Variants in SLMAP observed in about 807,000 individuals in gnomAD.
SLMAP encodes sarcolemmal membrane-associated protein.
SLMAP carries 44 observed loss-of-function variants against 128.8 expected under a neutral mutation model. The ratio of observed to expected loss-of-function variants is 0.34; its 90% confidence interval spans 0.27 to 0.44. The LOEUF (loss-of-function observed/expected upper bound fraction) is 0.44, where lower values mean the gene tolerates loss of function less well. SLMAP is among the 20% of genes least tolerant of loss of function. The pLI, the probability that SLMAP is intolerant of heterozygous loss-of-function variation, is 1.00. For synonymous variants in SLMAP, 327 were observed against 348.8 expected (o/e 0.94, Z 0.70); for missense variants, 787 against 985.3 (o/e 0.80, Z 2.69).
rs1055504331 is a variant in SLMAP at position 57,853,131 on chromosome 3, G to C, written c.519+3315G>C. ...GTAGATTCTAAAGATATGGTTGGTT[G>C]ATGGTTTTGTTTTTCAGTAAAACTT... On this transcript the variant is annotated intron_variant, in intron 6 of 24. Coordinates refer to ENST00000671191, the MANE Select transcript of SLMAP (RefSeq NM_001377540.1). Among the ~76,000 whole-genome samples the C allele has an allele frequency of 6.6e-5, 10 of 152,282 alleles. 1 individual carries two copies. In the South Asian group the frequency reaches 1.7e-3, roughly 25 times the overall value.
intron 14 of SLMAP, among the ~76,000 whole-genome samples, chr3:57,885,387 TGTTG>T (rs1434286573): frequency 2.7e-5 from 4 of 147,986 alleles, no homozygotes; most frequent in African/African-American, 9.9e-5. Flanking sequence ...TTGTTGTTGT[TGTTG>T]TTTTGTTTTG....
At position 57,833,560 on chromosome 3, in the gene SLMAP, C is replaced by T. The variant is rs1168115831; in HGVS notation, c.346+2030C>T. Among the ~76,000 whole-genome samples the T allele has an allele frequency of 2.6e-5, 4 of 151,988 alleles. No individual in the cohort carries two copies. In the East Asian group the frequency reaches 5.8e-4, roughly 22 times the overall value. On this transcript the variant is annotated intron_variant, in intron 3 of 24. Coordinates refer to ENST00000671191, the MANE Select transcript of SLMAP (RefSeq NM_001377540.1). The stretch of plus-strand genomic sequence containing the variant: ...TCAGCCTCTCGAGTAGCTGGGACTA[C>T]AGGTGCATGCCACCATGCCCAGCTA...
chr3:57,833,022 T>G (rs2093432267), intron 3 of SLMAP, among the ~76,000 whole-genome samples: 1 of 152,162 alleles, frequency 6.6e-6, no homozygotes, highest in South Asian at 2.1e-4. Flanking sequence ...TAAACCGAGC[T>G]CATTAAATGG....
chr3:57,868,341 C>A (rs1433470656), intron 13 of SLMAP, among the ~76,000 whole-genome samples: 1 of 151,942 alleles, frequency 6.6e-6, no homozygotes, highest in South Asian at 2.1e-4. Context: ...CTCCTGTAAT[C>A]CCAGCAAGGG....
At chr3:57,859,198 C>A (rs557767102) in intron 8 of SLMAP, among the ~76,000 whole-genome samples, 1 of 151,698 alleles carries the variant, frequency 6.6e-6, no homozygotes, top group Non-Finnish European at 1.5e-5. Flanking sequence ...GTGGCATGTA[C>A]CTGTAATCCA....
chr3:57,851,280 A>T (rs912072704), intron 6 of SLMAP, among the ~76,000 whole-genome samples: 3 of 151,636 alleles, frequency 2.0e-5, no homozygotes, highest in Non-Finnish European at 2.9e-5. Flanking sequence ...TGTAGAGCAG[A>T]TACTGCTTCA....
At chr3:57,909,016 A>G in intron 18 of SLMAP, 60 bp from the exon 19 acceptor site, 10 of 1,215,238 alleles carry the variant, frequency 8.2e-6, no homozygotes, top group Non-Finnish European at 1.2e-5. Context: ...CAGCTGCTCA[A>G]CTCTGAGTAC....
chr3:57,849,792 A>G lies in SLMAP; in HGVS notation c.495A>G (p.Leu165=), dbSNP rs149758819. The G allele has an allele frequency of 2.5e-3, 4,011 of 1,573,820 alleles. 11 individuals carry two copies. Among genetic ancestry groups the G allele is most frequent in the Non-Finnish European group, 2.6e-3 (3,005 of 1,143,286 alleles). The change falls in exon 6 of 25, where the codon CTA becomes CTG. Residue 165 remains leucine (L), a synonymous_variant. Coordinates refer to ENST00000671191, the MANE Select transcript of SLMAP (RefSeq NM_001377540.1). ...ANTPSMYSQE[L]FQLSQYLQEA... is the part of the protein sequence containing the mutation. ...CTCCAAGTATGTACTCTCAGGAACTATTCCAGCTTTCTCAGTATCTACAGG... is the reference window on the plus strand; with the variant it reads ...CTCCAAGTATGTACTCTCAGGAACTGTTCCAGCTTTCTCAGTATCTACAGG...
At chr3:57,761,546 C>T (rs908520137) in intron 2 of SLMAP, among the ~76,000 whole-genome samples, 14 of 151,858 alleles carry the variant, frequency 9.2e-5, no homozygotes, top group African/African-American at 2.2e-4. Context: ...CCACTTGCCT[C>T]GGCCTCCCAA....
At chr3:57,872,135 CT>C (rs1324925411) in intron 14 of SLMAP, among the ~76,000 whole-genome samples, 3 of 152,162 alleles carry the variant, frequency 2.0e-5, no homozygotes, top group Non-Finnish European at 2.9e-5. Flanking sequence ...AAAAGGCTAT[CT>C]TTAAGAATAT....
rs2096719811 is a variant in SLMAP at position 57,912,300 on chromosome 3, A to G, written c.1700-81A>G. Reference sequence around the variant, plus strand: ...TCAAAAGCAACAGCTCTGACAACCCAGGTTATGCATTAGCTACAATCCTGT... The same window carrying G: ...TCAAAAGCAACAGCTCTGACAACCCGGGTTATGCATTAGCTACAATCCTGT... On this transcript the variant is annotated intron_variant, in intron 19 of 24. Coordinates refer to ENST00000671191, the MANE Select transcript of SLMAP (RefSeq NM_001377540.1). 5 of 1,194,308 alleles carry G rather than the reference A, an allele frequency of 4.2e-6. No individual in the cohort carries two copies. The Admixed American group carries it at 7.8e-5, about 19-fold the overall frequency. 74.0% of individuals were successfully genotyped at this position (1,194,308 alleles called of 1,614,324 possible).
At chr3:57,881,456 T>G (rs537225291) in intron 14 of SLMAP, among the ~76,000 whole-genome samples, 1 of 152,262 alleles carries the variant, frequency 6.6e-6, no homozygotes, top group East Asian at 1.9e-4. Context: ...AACTAGATTT[T>G]TTATTTATTA....
intron 2 of SLMAP, among the ~76,000 whole-genome samples, chr3:57,818,356 T>C (rs1394093287): frequency 6.6e-6 from 1 of 152,182 alleles, no homozygotes; most frequent in Non-Finnish European, 1.5e-5. Flanking sequence ...GGTTTCTCCA[T>C]GTTGGTCAGG....
intron 14 of SLMAP, among the ~76,000 whole-genome samples, chr3:57,879,711 G>A (rs1217096665): frequency 1.3e-5 from 2 of 152,150 alleles, no homozygotes; most frequent in Non-Finnish European, 2.9e-5. Flanking sequence ...TGGAGGCCGA[G>A]GTGGGTGGAT....
intron 4 of SLMAP, among the ~76,000 whole-genome samples, chr3:57,846,319 T>C (rs1236205491): frequency 6.6e-6 from 1 of 152,188 alleles, no homozygotes; most frequent in African/African-American, 2.4e-5. Context: ...ATGCCATCTA[T>C]TTAATGTTTT....
chr3:57,907,552 G>C (rs1365239706), intron 17 of SLMAP, among the ~76,000 whole-genome samples: 1 of 152,148 alleles, frequency 6.6e-6, no homozygotes, highest in Non-Finnish European at 1.5e-5. Context: ...AAGAAGTATA[G>C]CATTTTGCTC....
intron 14 of SLMAP, among the ~76,000 whole-genome samples, chr3:57,872,276 T>A (rs1222231873): frequency 6.6e-6 from 1 of 152,064 alleles, no homozygotes; most frequent in Non-Finnish European, 1.5e-5. Context: ...CACTCCAGGC[T>A]GGGCAACAGA....
At chr3:57,776,961 G>T (rs890090010) in intron 2 of SLMAP, among the ~76,000 whole-genome samples, 2 of 151,880 alleles carry the variant, frequency 1.3e-5, no homozygotes, top group Non-Finnish European at 2.9e-5. Context: ...AAAAGTAACT[G>T]TAATAGACTA....
intron 22 of SLMAP, among the ~76,000 whole-genome samples, chr3:57,918,972 G>A (rs936483867): frequency 6.6e-6 from 1 of 152,198 alleles, no homozygotes; most frequent in Non-Finnish European, 1.5e-5. Context: ...AAAGCAAGAT[G>A]GAGCAAAAAT....
Sources: gnomAD v4.1 joint callset for allele counts (sites outside exome capture counted in the v4.1 genomes callset) on GRCh38, gnomAD v4.1.1 for gene constraint, MANE v1.5 for transcripts, NCBI Gene and HGNC (gene_info 2026-07-23, HGNC 2026-07-21) for gene names.